The following TUSC3 variants were observed in gnomAD, a reference collection of about 807,000 sequenced individuals.
The protein encoded by TUSC3 is dolichyl-diphosphooligosaccharide--protein glycosyltransferase subunit TUSC3.
A neutral mutation model predicts 44.8 loss-of-function variants in TUSC3; 45 were observed. The ratio of observed to expected loss-of-function variants is 1.00; its 90% CI spans 0.79 to 1.29. The LOEUF (loss-of-function observed/expected upper bound fraction) is 1.29. TUSC3 is among the 50% of genes most tolerant of loss of function. The pLI, the probability that TUSC3 is intolerant of heterozygous loss-of-function variation, is 0.00. For missense variants in TUSC3, 519 were observed against 437.9 expected (o/e 1.19, Z -1.65); for synonymous variants, 212 against 152.9 (o/e 1.39, Z -2.85).
At chr8:15,575,774 A>G (rs1237179386) in intron 1 of TUSC3, among the ~76,000 whole-genome samples, 1 of 152,152 alleles carries the variant, frequency 6.6e-6, no homozygotes, top group African/African-American at 2.4e-5. Flanking sequence ...CTTAAAATAA[A>G]TAAATAAATT....
At chr8:15,593,972 C>T (rs1356961716) in intron 1 of TUSC3, among the ~76,000 whole-genome samples, 1 of 152,156 alleles carries the variant, frequency 6.6e-6, no homozygotes, top group Non-Finnish European at 1.5e-5. Context: ...CCCTGTCACT[C>T]TTTCTGCATA....
At chr8:15,507,692 C>T (rs1243507802) in intron 2 of TUSC3, among the ~76,000 whole-genome samples, 1 of 151,954 alleles carries the variant, frequency 6.6e-6, no homozygotes. Flanking sequence ...ATGTTATGAG[C>T]ACTAAGTATT....
intron 6 of TUSC3, among the ~76,000 whole-genome samples, chr8:15,707,316 T>G (rs2129198027): frequency 6.6e-6 from 1 of 152,154 alleles, no homozygotes; most frequent in East Asian, 1.9e-4. Context: ...TGTCCTGAAC[T>G]TCTGCAATAA....
At chr8:15,848,545 C>T in the TUSC3 span, among the ~76,000 whole-genome samples, 1 of 152,068 alleles carries the variant, frequency 6.6e-6, no homozygotes, top group Admixed American at 6.6e-5. Flanking sequence ...AGCTGGGGAA[C>T]TGTTCCCTGC....
intron 1 of TUSC3, among the ~76,000 whole-genome samples, chr8:15,474,262 C>T (rs1800537573): frequency 6.6e-6 from 1 of 152,118 alleles, no homozygotes; most frequent in Non-Finnish European, 1.5e-5. Context: ...GAACTGATTT[C>T]ATATTGTTCA....
chr8:15,611,044 C>G (rs1804740260), intron 1 of TUSC3, among the ~76,000 whole-genome samples: 1 of 152,188 alleles, frequency 6.6e-6, no homozygotes, highest in African/African-American at 2.4e-5. Flanking sequence ...CTTAATTTCT[C>G]TATTTCTCAT....
At chr8:15,518,622 A>G (rs891922684) in intron 2 of TUSC3, among the ~76,000 whole-genome samples, 6 of 152,140 alleles carry the variant, frequency 3.9e-5, no homozygotes, top group African/African-American at 7.2e-5. Context: ...AGGATTATAG[A>G]CATTAAATGA....
At chr8:15,785,777 A>G in the TUSC3 span, among the ~76,000 whole-genome samples, 1 of 151,974 alleles carries the variant, frequency 6.6e-6, no homozygotes, top group Non-Finnish European at 1.5e-5. Flanking sequence ...ACATATCACG[A>G]AGCATTCTAG....
Position 15,556,072 on chromosome 8 carries a change from T to A in TUSC3, c.138+15504T>A, listed in dbSNP as rs186317564. On this transcript the variant is annotated intron_variant, in intron 1 of 10. Coordinates refer to ENST00000503731, the MANE Select transcript of TUSC3 (RefSeq NM_006765.4). ...GCACATTGTGCAGGTTAGTTACATA[T>A]GTATACATGTGCCAAGCTGGTGCAC... Among the ~76,000 whole-genome samples, 1,165 of 151,010 alleles carry A rather than the reference T, an allele frequency of 7.7e-3. 24 individuals carry two copies. The highest frequency in any genetic ancestry group is 0.026 in the African/African-American group (1,079 of 41,276).
At chr8:15,685,945 C>G (rs1300020511) in intron 6 of TUSC3, among the ~76,000 whole-genome samples, 1 of 148,976 alleles carries the variant, frequency 6.7e-6, no homozygotes, top group Non-Finnish European at 1.5e-5. Context: ...TCTAGGAAAA[C>G]CTGAAGATAT....
chr8:15,516,381 A>G (rs952622405), intron 2 of TUSC3, among the ~76,000 whole-genome samples: 8 of 152,176 alleles, frequency 5.3e-5, no homozygotes, highest in African/African-American at 1.7e-4. Flanking sequence ...CTTGCAGACC[A>G]CTTCTCATTT....
intron 1 of TUSC3, among the ~76,000 whole-genome samples, chr8:15,543,144 T>A (rs1223519868): frequency 1.3e-5 from 2 of 152,222 alleles, no homozygotes; most frequent in African/African-American, 4.8e-5. Flanking sequence ...GGTCTCTTTC[T>A]GTCTAGCTGA....
chr8:15,480,710 G>C (rs1196266619), intron 1 of TUSC3, among the ~76,000 whole-genome samples: 1 of 152,150 alleles, frequency 6.6e-6, no homozygotes, highest in Non-Finnish European at 1.5e-5. Context: ...GTGTCTCTCT[G>C]AATGTCCTAA....
chr8:15,583,792 A>C (rs958931468), intron 1 of TUSC3, among the ~76,000 whole-genome samples: 1 of 152,222 alleles, frequency 6.6e-6, no homozygotes, highest in African/African-American at 2.4e-5. Context: ...GGAAGAGTAC[A>C]TTAAAAGAAG....
At chr8:15,505,385 G>A (rs1801038615) in intron 2 of TUSC3, among the ~76,000 whole-genome samples, 1 of 152,332 alleles carries the variant, frequency 6.6e-6, no homozygotes, top group South Asian at 2.1e-4. Flanking sequence ...TTTCAGGTTT[G>A]TACTTAATGT....
chr8:15,465,630 G>A (rs1003415338), intron 1 of TUSC3, among the ~76,000 whole-genome samples: 3 of 152,088 alleles, frequency 2.0e-5, no homozygotes, highest in African/African-American at 7.2e-5. Flanking sequence ...ATTATAAAAG[G>A]CTTAATTTTC....
chr8:15,527,383 A>T (rs767193173), intron 2 of TUSC3, among the ~76,000 whole-genome samples: 9 of 151,890 alleles, frequency 5.9e-5, no homozygotes, highest in Non-Finnish European at 1.3e-4. Context: ...CACCCAGCTA[A>T]TTTTTATATT....
chr8:15,847,577 T>A, the TUSC3 span, among the ~76,000 whole-genome samples: 2 of 152,162 alleles, frequency 1.3e-5, no homozygotes, highest in African/African-American at 4.8e-5. Context: ...CAGGCTGTGA[T>A]TTGTAATGGA....
the TUSC3 span, among the ~76,000 whole-genome samples, chr8:15,836,319 T>A: frequency 2.6e-4 from 37 of 143,488 alleles, no homozygotes; most frequent in Non-Finnish European, 4.5e-4. Flanking sequence ...CTACTAAAAA[T>A]ACTTAAAAAA....
Sources: gnomAD v4.1 joint callset for allele counts (sites outside exome capture counted in the v4.1 genomes callset) on GRCh38, gnomAD v4.1.1 for gene constraint, MANE v1.5 for transcripts, NCBI Gene and HGNC (gene_info 2026-07-23, HGNC 2026-07-21) for gene names.